Variants in FOXP1 observed in about 807,000 individuals in gnomAD.
FOXP1 encodes forkhead box protein P1.
In FOXP1, 15 loss-of-function variants were observed where a neutral mutation model predicts 98.2. That is an observed-to-expected ratio of 0.15 (90% CI 0.10 to 0.24). The LOEUF (loss-of-function observed/expected upper bound fraction) is 0.24. FOXP1 is among the 10% of genes least tolerant of loss of function. The pLI is 1.00. For missense variants in FOXP1, 633 were observed against 848.5 expected (o/e 0.75, Z 3.15); for synonymous variants, 371 against 314.5 (o/e 1.18, Z -1.90).
At chr3:71,287,826 A>T (rs984986837) in intron 5 of FOXP1, among the ~76,000 whole-genome samples, 1 of 152,176 alleles carries the variant, frequency 6.6e-6, no homozygotes, top group African/African-American at 2.4e-5. Context: ...ATTTAGTTAC[A>T]ATGTTGAACT....
intron 3 of FOXP1, among the ~76,000 whole-genome samples, chr3:71,461,736 G>A (rs1054837206): frequency 1.3e-5 from 2 of 151,626 alleles, no homozygotes; most frequent in African/African-American, 4.8e-5. Context: ...GGAGGCAAAG[G>A]GTGCAGTGAG....
chr3:71,017,842 A>T (rs2107761597), intron 11 of FOXP1, among the ~76,000 whole-genome samples: 1 of 152,318 alleles, frequency 6.6e-6, no homozygotes, highest in East Asian at 1.9e-4. Context: ...AAATAGAATC[A>T]CTCAATTAAT....
rs80218057 is a variant in FOXP1 at position 70,955,832 on chromosome 3, G to A, written c.*3415C>T. On this transcript the variant is annotated 3_prime_UTR_variant, in exon 21 of 21. Coordinates refer to ENST00000649528, the MANE Select transcript of FOXP1 (RefSeq NM_001349338.3). ...AACAGATTAACACACACGCACGCGC[G>A]CACACACACACACACACACACACAA... 0.011 allele frequency: 2,535 copies of A among 221,584 alleles called. 104 individuals are homozygous for A. In the East Asian group the frequency reaches 0.12, roughly 10 times the overall value. The allele number at this position is 221,584 out of a possible 1,614,324, so 13.7% of individuals were successfully genotyped here. A position where few individuals can be genotyped will look rare whatever the true frequency, so the allele number is the denominator to read the frequency against.
chr3:71,547,650 G>T (rs1327451051), intron 2 of FOXP1, among the ~76,000 whole-genome samples: 1 of 152,198 alleles, frequency 6.6e-6, no homozygotes. Context: ...AGAAGAATGT[G>T]AACACACAAA....
At chr3:71,009,318 A>G (rs1395678476) in intron 12 of FOXP1, among the ~76,000 whole-genome samples, 1 of 152,104 alleles carries the variant, frequency 6.6e-6, no homozygotes, top group Non-Finnish European at 1.5e-5. Context: ...ATGGTACAGC[A>G]AACTGTGGTC....
At chr3:71,513,467 C>A (rs1266013403) in intron 2 of FOXP1, among the ~76,000 whole-genome samples, 1 of 152,122 alleles carries the variant, frequency 6.6e-6, no homozygotes, top group African/African-American at 2.4e-5. Flanking sequence ...TCACAGCCAC[C>A]ATCATCTCCC....
chr3:71,208,656 A>G (rs768088456), intron 5 of FOXP1, among the ~76,000 whole-genome samples: 27 of 152,110 alleles, frequency 1.8e-4, no homozygotes, highest in Non-Finnish European at 2.8e-4. Context: ...GGTACAGTAA[A>G]CAAGGGGCCC....
At chr3:71,267,733 T>C (rs1560211894) in intron 5 of FOXP1, among the ~76,000 whole-genome samples, 2 of 152,138 alleles carry the variant, frequency 1.3e-5, no homozygotes, top group South Asian at 4.1e-4. Flanking sequence ...AATGTCTGTG[T>C]TGGGCCAGGC....
At chr3:71,303,362 G>A (rs2074008550) in intron 4 of FOXP1, among the ~76,000 whole-genome samples, 1 of 152,120 alleles carries the variant, frequency 6.6e-6, no homozygotes, top group Non-Finnish European at 1.5e-5. Flanking sequence ...GGTGATGGGG[G>A]GCAGTTCAGT....
chr3:71,430,036 T>A (rs1334097477), intron 3 of FOXP1, among the ~76,000 whole-genome samples: 1 of 152,170 alleles, frequency 6.6e-6, no homozygotes, highest in African/African-American at 2.4e-5. Context: ...TTTTCCTCCA[T>A]CCAAGCTCAC....
At chr3:71,381,251 C>T (rs918315849) in intron 3 of FOXP1, among the ~76,000 whole-genome samples, 2 of 150,722 alleles carry the variant, frequency 1.3e-5, no homozygotes, top group Non-Finnish European at 3.0e-5. Flanking sequence ...CCCGGGTTCA[C>T]GCCATTCTCC....
intron 5 of FOXP1, among the ~76,000 whole-genome samples, chr3:71,241,562 C>T (rs1346030768): frequency 4.6e-5 from 7 of 152,016 alleles, no homozygotes; most frequent in Admixed American, 3.3e-4. Context: ...ATTGTGGTGC[C>T]GAAACTCTTC....
At chr3:71,007,505 T>C (rs191761913) in intron 12 of FOXP1, among the ~76,000 whole-genome samples, 228 of 152,314 alleles carry the variant, frequency 1.5e-3, no homozygotes, top group Middle Eastern at 0.01. Flanking sequence ...ACTTTGTTTT[T>C]CCAAAACCAC....
chr3:71,254,365 A>G (rs151207119), intron 5 of FOXP1, among the ~76,000 whole-genome samples: 1 of 152,202 alleles, frequency 6.6e-6, no homozygotes, highest in African/African-American at 2.4e-5. Context: ...ACCTATTAAG[A>G]GTCATGACTA....
intron 3 of FOXP1, among the ~76,000 whole-genome samples, chr3:71,462,517 TG>T (rs2088241545): frequency 6.6e-6 from 1 of 152,172 alleles, no homozygotes. Context: ...TTCTCCTTCT[TG>T]GTAAGCTCCA....
chr3:71,206,706 C>T (rs1374929615), intron 5 of FOXP1, among the ~76,000 whole-genome samples: 3 of 152,188 alleles, frequency 2.0e-5, no homozygotes, highest in South Asian at 2.1e-4. Context: ...CTGTCTTCAT[C>T]AAACTTTCTT....
At chr3:71,416,579 C>T (rs2083234436) in intron 3 of FOXP1, among the ~76,000 whole-genome samples, 1 of 150,774 alleles carries the variant, frequency 6.6e-6, no homozygotes, top group Non-Finnish European at 1.5e-5. Flanking sequence ...CACACACACA[C>T]ACACACACAC....
rs114950382 is a variant in FOXP1 at position 71,500,167 on chromosome 3, A to G, written c.-297-6612T>C. ...CCACTAGTAAGGTTTCTTTCAACTC[A>G]CCAGAGGACTTATTGGTATCTATGC... On this transcript the variant is annotated intron_variant, in intron 2 of 20. Coordinates refer to ENST00000649528, the MANE Select transcript of FOXP1 (RefSeq NM_001349338.3). 5.9e-3 allele frequency among the ~76,000 whole-genome samples: 896 copies of G among 152,294 alleles called. 23 individuals are homozygous for G. Among genetic ancestry groups the G allele is most frequent in the Admixed American group, 0.041 (624 of 15,304 alleles).
At chr3:71,394,320 A>G (rs919745055) in intron 3 of FOXP1, among the ~76,000 whole-genome samples, 1 of 152,208 alleles carries the variant, frequency 6.6e-6, no homozygotes, top group African/African-American at 2.4e-5. Context: ...CAATTCAGCT[A>G]TTGGACAAAA....
Sources: gnomAD v4.1 joint callset for allele counts (sites outside exome capture counted in the v4.1 genomes callset) on GRCh38, gnomAD v4.1.1 for gene constraint, MANE v1.5 for transcripts, NCBI Gene and HGNC (gene_info 2026-07-23, HGNC 2026-07-21) for gene names.